Variants in CDH6 observed in about 807,000 individuals in gnomAD.
CDH6 encodes cadherin 6.
A neutral mutation model predicts 78.0 loss-of-function variants in CDH6; 31 were observed. The observed-to-expected ratio is 0.40, with a 90% CI of 0.30 to 0.54. The LOEUF (loss-of-function observed/expected upper bound fraction) is 0.54, where lower values mean the gene tolerates loss of function less well. CDH6 is among the 20% of genes least tolerant of loss of function. The probability of loss-of-function intolerance (pLI) is 0.56; values close to 1 mark genes in which losing one functional copy is unlikely to be tolerated. For synonymous variants in CDH6, 376 were observed against 368.8 expected (o/e 1.02, Z -0.23); for missense variants, 724 against 975.9 (o/e 0.74, Z 3.44).
At chr5:31,249,026 G>A (rs565302562) in intron 1 of CDH6, among the ~76,000 whole-genome samples, 7 of 151,968 alleles carry the variant, frequency 4.6e-5, no homozygotes, top group Non-Finnish European at 8.8e-5. Context: ...TTCTCACCAC[G>A]AAAATAATAA....
At chr5:31,316,448 C>A in intron 9 of CDH6, 119 bp downstream of exon 9, 2 of 817,036 alleles carry the variant, frequency 2.4e-6, no homozygotes, top group South Asian at 2.1e-5. Context: ...GTGAATGCTA[C>A]GGAAATTAAT....
At chr5:31,222,411 T>A (rs1175970482) in intron 1 of CDH6, among the ~76,000 whole-genome samples, 1 of 152,198 alleles carries the variant, frequency 6.6e-6, no homozygotes, top group East Asian at 1.9e-4. Context: ...CTATTTGTCA[T>A]ATGAATCAAA....
chr5:31,235,230 C>CTTTGTCTTTTTTTT (rs1741418891), intron 1 of CDH6, among the ~76,000 whole-genome samples: 1 of 45,988 alleles, frequency 2.2e-5, no homozygotes, highest in Non-Finnish European at 4.4e-5. Context: ...TTTTCTATTC[C>CTTTGTCTTTTTTTT]TTTTTCTTTT....
intron 1 of CDH6, among the ~76,000 whole-genome samples, chr5:31,263,458 T>G (rs1223866510): frequency 1.3e-5 from 2 of 148,680 alleles, no homozygotes; most frequent in African/African-American, 2.5e-5. Flanking sequence ...TTTTTTTTTT[T>G]TTTTGGTAGA....
At chr5:31,306,740 T>C (rs552975802) in intron 7 of CDH6, among the ~76,000 whole-genome samples, 21 of 152,202 alleles carry the variant, frequency 1.4e-4, no homozygotes, top group African/African-American at 5.1e-4. Flanking sequence ...CCTCATCCCA[T>C]GAAGCTTACA....
intron 3 of CDH6, 62 bp from the exon 4 acceptor site, chr5:31,297,227 T>C: frequency 7.1e-6 from 10 of 1,413,382 alleles, no homozygotes; most frequent in Non-Finnish European, 1.0e-5. Flanking sequence ...CTGGTTTTGG[T>C]GTGTGTCAAA....
At chr5:31,229,999 C>A (rs975884643) in intron 1 of CDH6, among the ~76,000 whole-genome samples, 2 of 152,138 alleles carry the variant, frequency 1.3e-5, no homozygotes, top group African/African-American at 4.8e-5. Context: ...GCTGTATGGG[C>A]GTTTAATTGG....
At chr5:31,207,364 T>C (rs1010871532) in intron 1 of CDH6, among the ~76,000 whole-genome samples, 4 of 152,150 alleles carry the variant, frequency 2.6e-5, no homozygotes, top group African/African-American at 9.7e-5. Flanking sequence ...TGACCAGTGC[T>C]CCCACTCATC....
intron 2 of CDH6, among the ~76,000 whole-genome samples, chr5:31,286,165 C>A (rs145251787): frequency 2.0e-5 from 3 of 152,232 alleles, no homozygotes; most frequent in African/African-American, 4.8e-5. Flanking sequence ...CTATTAGTGT[C>A]TATAAAGTGC....
intron 1 of CDH6, among the ~76,000 whole-genome samples, chr5:31,258,340 A>G (rs4867322): frequency 0.13 from 19,701 of 152,166 alleles, 1,547 homozygotes; most frequent in East Asian, 0.19. Context: ...CTTTGCAGGG[A>G]CATGGATGAC....
chr5:31,302,955 G>GAAAGAAAGAAAGA (rs1390790947), intron 6 of CDH6, among the ~76,000 whole-genome samples: 3 of 122,398 alleles, frequency 2.5e-5, no homozygotes, highest in Non-Finnish European at 5.5e-5. Context: ...AAGAAAGAAA[G>GAAAGAAAGAAAGA]AAGGAAAGAA....
intron 1 of CDH6, among the ~76,000 whole-genome samples, chr5:31,254,279 C>T (rs1164630840): frequency 6.6e-6 from 1 of 152,026 alleles, no homozygotes; most frequent in Non-Finnish European, 1.5e-5. Context: ...TTGGAAATGC[C>T]AAAGATAAGT....
chr5:31,213,167 TA>T (rs1479489196), intron 1 of CDH6, among the ~76,000 whole-genome samples: 10 of 152,148 alleles, frequency 6.6e-5, no homozygotes, highest in Non-Finnish European at 1.5e-4. Flanking sequence ...GCTGGCTAGA[TA>T]ATAGGGATGT....
intron 4 of CDH6, among the ~76,000 whole-genome samples, chr5:31,297,859 G>C (rs1737655744): frequency 6.6e-6 from 1 of 152,128 alleles, no homozygotes; most frequent in Non-Finnish European, 1.5e-5. Context: ...TTCAAAGCTG[G>C]TACACAATCT....
intron 1 of CDH6, among the ~76,000 whole-genome samples, chr5:31,203,096 G>A (rs1482835950): frequency 6.6e-6 from 1 of 151,974 alleles, no homozygotes; most frequent in African/African-American, 2.4e-5. Context: ...GTATCTAGTA[G>A]AGATATTGTC....
chr5:31,314,572 T>G (rs537565912), intron 8 of CDH6, among the ~76,000 whole-genome samples: 9 of 152,026 alleles, frequency 5.9e-5, no homozygotes, highest in African/African-American at 2.2e-4. Context: ...TGCTTTTAGA[T>G]AGTGATAAGG....
Position 31,312,718 on chromosome 5 carries a change from A to G in CDH6, c.1254-600A>G, listed in dbSNP as rs796334849. ...CATCTCAAAACAAACAAACAAACAA[A>G]AAAACCCTTGGGTAGATTCGCATTG... is the stretch of plus-strand genomic sequence containing the variant. On this transcript the variant is annotated intron_variant, in intron 7 of 11. Transcript: ENST00000265071. 7.6e-4 allele frequency among the ~76,000 whole-genome samples: 115 copies of G among 152,108 alleles called. 1 individual carries two copies. Among genetic ancestry groups the G allele is most frequent in the African/African-American group, 2.6e-3 (109 of 41,500 alleles).
Position 31,247,534 on chromosome 5 carries a change from G to C in CDH6, c.-128-19812G>C, listed in dbSNP as rs529363173. ...AACATCCAAGGATGCTGTGGCAGGT[G>C]TCTTGGTGTCTCACAGGCAATTGCC... On this transcript the variant is annotated intron_variant, in intron 1 of 11. Coordinates refer to ENST00000265071, the MANE Select transcript of CDH6 (RefSeq NM_004932.4). 8.5e-4 allele frequency among the ~76,000 whole-genome samples: 130 copies of C among 152,278 alleles called. 3 individuals carry two copies. In the South Asian group the frequency reaches 0.026, roughly 31 times the overall value.
At chr5:31,287,448 G>A (rs924053475) in intron 2 of CDH6, among the ~76,000 whole-genome samples, 1 of 152,190 alleles carries the variant, frequency 6.6e-6, no homozygotes, top group African/African-American at 2.4e-5. Context: ...GGTTTTCTCT[G>A]AGGTAGGCCC....
Sources: gnomAD v4.1 joint callset for allele counts (sites outside exome capture counted in the v4.1 genomes callset) on GRCh38, gnomAD v4.1.1 for gene constraint, MANE v1.5 for transcripts, NCBI Gene and HGNC (gene_info 2026-07-23, HGNC 2026-07-21) for gene names.